The following HIVEP3 variants were observed in gnomAD, a reference collection of about 807,000 sequenced individuals.
HIVEP3 encodes the protein HIVEP zinc finger 3.
In HIVEP3, 49 loss-of-function variants were observed where a neutral mutation model predicts 152.8. The ratio of observed to expected loss-of-function variants is 0.32; its 90% confidence interval spans 0.26 to 0.41. The LOEUF is 0.41. Ranked by LOEUF, HIVEP3 falls within the 10% of genes least tolerant of loss-of-function variation. HIVEP3 has a pLI of 1.00. For missense variants in HIVEP3, 2,790 were observed against 3,103.3 expected, an observed-to-expected ratio of 0.90 and a Z score of 2.40; for synonymous variants, 1,269 against 1,289.0, an observed-to-expected ratio of 0.98 and a Z score of 0.33.
chr1:41,792,360 G>A (rs1450796720), intron 1 of HIVEP3, among the ~76,000 whole-genome samples: 1 of 152,190 alleles, frequency 6.6e-6, no homozygotes, highest in African/African-American at 2.4e-5. Context: ...GAGGCACCAG[G>A]AAATGTCTGT....
intron 1 of HIVEP3, among the ~76,000 whole-genome samples, chr1:41,798,466 T>A (rs942103868): frequency 3.3e-5 from 5 of 152,166 alleles, no homozygotes; most frequent in Non-Finnish European, 7.3e-5. Context: ...GAAGTGAACA[T>A]AAAGCCATAG....
intron 1 of HIVEP3, among the ~76,000 whole-genome samples, chr1:41,715,024 T>C (rs928575900): frequency 6.6e-6 from 1 of 152,144 alleles, no homozygotes; most frequent in Non-Finnish European, 1.5e-5. Context: ...TCGGGGGAGC[T>C]GGCACACCCT....
intron 1 of HIVEP3, among the ~76,000 whole-genome samples, chr1:41,826,103 T>C (rs922232342): frequency 6.6e-6 from 1 of 152,212 alleles, no homozygotes; most frequent in Non-Finnish European, 1.5e-5. Context: ...TGCTCTGACA[T>C]AGGACTATTT....
intron 2 of HIVEP3, among the ~76,000 whole-genome samples, chr1:41,695,981 T>C (rs1054312912): frequency 6.6e-6 from 1 of 152,190 alleles, no homozygotes; most frequent in African/African-American, 2.4e-5. Context: ...CATCTTGCTG[T>C]GTGACCTCCA....
chr1:41,883,474 C>T (rs1479345255), intron 1 of HIVEP3, among the ~76,000 whole-genome samples: 1 of 152,216 alleles, frequency 6.6e-6, no homozygotes, highest in African/African-American at 2.4e-5. Flanking sequence ...ACCACAGGCA[C>T]TCTCCTGCGA....
intron 5 of HIVEP3, among the ~76,000 whole-genome samples, chr1:41,560,650 T>G (rs1299240550): frequency 6.6e-6 from 1 of 152,216 alleles, no homozygotes; most frequent in East Asian, 1.9e-4. Flanking sequence ...CCCCGTGGAC[T>G]GCAAGGAACT....
At chr1:41,737,542 C>A (rs1646937918) in intron 1 of HIVEP3, among the ~76,000 whole-genome samples, 1 of 152,210 alleles carries the variant, frequency 6.6e-6, no homozygotes, top group Non-Finnish European at 1.5e-5. Context: ...CCCATTGAAT[C>A]ATCTGTTGTC....
chr1:41,744,063 G>T lies in HIVEP3; in HGVS notation c.-800-43068C>A, dbSNP rs151046070. 1.5e-4 allele frequency among the ~76,000 whole-genome samples: 23 copies of T among 150,938 alleles called. No homozygotes were observed. The East Asian group carries it at 3.5e-3, about 23-fold the overall frequency. ...CATTTTTTTGTTTTTTTTTTGAGAC[G>T]GAGTCTCACTCTGTCGCCGATGCTG... On this transcript the variant is annotated intron_variant, in intron 1 of 8. Transcript: ENST00000372583.
At chr1:41,919,275 AC>A (rs1450318251), upstream of HIVEP3, among the ~76,000 whole-genome samples, 3 of 152,170 alleles carry the variant, frequency 2.0e-5, no homozygotes, top group African/African-American at 7.2e-5. Context: ...CACGGGTCAG[AC>A]GAGACAGGGC....
rs145020605 is a variant in HIVEP3, at chr1:41,822,796, A to C, written c.-801+95617T>G. Among the ~76,000 whole-genome samples, 841 of 152,256 alleles carry C rather than the reference A, an allele frequency of 5.5e-3. 5 individuals carry two copies. Among genetic ancestry groups the C allele is most frequent in the African/African-American group, 0.019 (780 of 41,538 alleles). On this transcript the variant is annotated intron_variant, in intron 1 of 8. Coordinates refer to ENST00000372583, the MANE Select transcript of HIVEP3 (RefSeq NM_024503.5). ...AGCGTCTTCCTACCATTTGATCTGCATTGTTCTGGATCTGGGAAATGGCTG... is the reference window on the plus strand; with the variant it reads ...AGCGTCTTCCTACCATTTGATCTGCCTTGTTCTGGATCTGGGAAATGGCTG...
At chr1:41,973,261 A>G (rs1406701394) in intron 1 of HIVEP3, among the ~76,000 whole-genome samples, 2 of 152,244 alleles carry the variant, frequency 1.3e-5, no homozygotes, top group African/African-American at 4.8e-5. Context: ...GAAGCCAGGC[A>G]TGGCTTAGCT....
intron 1 of HIVEP3, among the ~76,000 whole-genome samples, chr1:41,888,202 A>ATTTTT (rs61561436): frequency 1.3e-4 from 13 of 99,196 alleles, no homozygotes; most frequent in Admixed American, 2.3e-4. Context: ...CGCCCGGCTA[A>ATTTTT]TTTTTTTTTT....
intron 1 of HIVEP3, among the ~76,000 whole-genome samples, chr1:41,968,035 C>A (rs1645209030): frequency 6.6e-6 from 1 of 152,054 alleles, no homozygotes; most frequent in Non-Finnish European, 1.5e-5. Context: ...ATAATTAATT[C>A]TGAAATTGAG....
intron 1 of HIVEP3, among the ~76,000 whole-genome samples, chr1:41,755,713 C>T (rs557221879): frequency 2.0e-5 from 3 of 151,358 alleles, no homozygotes; most frequent in East Asian, 1.9e-4. Flanking sequence ...CAAATAAGCA[C>T]GTAAAAAGAT....
intron 5 of HIVEP3, among the ~76,000 whole-genome samples, chr1:41,525,859 G>A (rs1392143336): frequency 1.3e-5 from 2 of 152,088 alleles, no homozygotes; most frequent in Admixed American, 6.5e-5. Context: ...GGCAGGGGGC[G>A]CGCCAGGAGA....
intron 1 of HIVEP3, among the ~76,000 whole-genome samples, chr1:41,986,709 G>T (rs1645325760): frequency 6.6e-6 from 1 of 152,108 alleles, no homozygotes; most frequent in African/African-American, 2.4e-5. Flanking sequence ...CAAAGTGCTG[G>T]GATTACAGGC....
chr1:41,970,973 A>T (rs1406243666), intron 1 of HIVEP3, among the ~76,000 whole-genome samples: 1 of 152,204 alleles, frequency 6.6e-6, no homozygotes, highest in Non-Finnish European at 1.5e-5. Flanking sequence ...CAGAACTGTG[A>T]GACAATAAGT....
chr1:41,750,780 C>A (rs1042912953), intron 1 of HIVEP3, among the ~76,000 whole-genome samples: 1 of 151,380 alleles, frequency 6.6e-6, no homozygotes, highest in Non-Finnish European at 1.5e-5. Flanking sequence ...CTCACTGCAA[C>A]CTCTGCCTCC....
chr1:41,990,516 C>A (rs1361155553), intron 1 of HIVEP3, among the ~76,000 whole-genome samples: 6 of 141,424 alleles, frequency 4.2e-5, no homozygotes, highest in East Asian at 4.5e-4. Flanking sequence ...CCTGAGTGAC[C>A]TACAAAGAGA....
Sources: allele counts gnomAD v4.1 joint callset (sites outside exome capture counted in the v4.1 genomes callset), GRCh38; gene constraint gnomAD v4.1.1; transcripts MANE v1.5; gene names NCBI Gene and HGNC (gene_info 2026-07-23, HGNC 2026-07-21).